Variants in MIPEP observed in about 807,000 individuals in gnomAD.
The protein encoded by MIPEP is mitochondrial intermediate peptidase.
In MIPEP, 79 loss-of-function variants were observed where a neutral mutation model predicts 90.3. The observed-to-expected ratio is 0.87, with a 90% CI of 0.73 to 1.05. MIPEP has a LOEUF of 1.05. Among genes scored for constraint, MIPEP ranks in the 50% least tolerant of loss-of-function variants. The pLI is 0.00. For missense variants in MIPEP, 940 were observed against 905.6 expected (o/e 1.04, Z -0.49); for synonymous variants, 334 against 315.8 (o/e 1.06, Z -0.61).
At chr13:23,889,097 CG>C in intron 1 of MIPEP, 34 bp downstream of exon 1, 1 of 1,383,058 alleles carries the variant, frequency 7.2e-7, no homozygotes, top group South Asian at 1.6e-5. Flanking sequence ...CGGCTTAGCT[CG>C]GGGACTGAGG....
Position 23,841,323 on chromosome 13 carries a change from G to A in MIPEP, c.1260+12C>T, listed in dbSNP as rs763646635. ...AATGCCTGCAACTGCAGGCTGAGCA[G>A]GAGGAGCTCACCAGTTTTCGGACAT... On this transcript the variant is annotated intron_variant, in intron 11 of 18. Transcript: ENST00000382172. 6 of 1,603,996 alleles carry A rather than the reference G, an allele frequency of 3.7e-6. No individual in the cohort carries two copies. In the African/African-American group the frequency reaches 8.1e-5, roughly 22 times the overall value.
At chr13:23,736,819 C>A (rs1030168228) in intron 18 of MIPEP, among the ~76,000 whole-genome samples, 5 of 152,152 alleles carry the variant, frequency 3.3e-5, no homozygotes, top group African/African-American at 1.2e-4. Flanking sequence ...CCTAAGAGCA[C>A]TGATCCATGG....
intron 10 of MIPEP, among the ~76,000 whole-genome samples, chr13:23,850,679 T>G (rs1002907283): frequency 6.6e-6 from 1 of 152,188 alleles, no homozygotes; most frequent in African/African-American, 2.4e-5. Context: ...AATGTGCCAC[T>G]AGATGACAGA....
chr13:23,748,405 A>T (rs939689847), intron 18 of MIPEP, among the ~76,000 whole-genome samples: 6 of 152,370 alleles, frequency 3.9e-5, no homozygotes, highest in Admixed American at 6.5e-5. Context: ...GGCAGAGACC[A>T]TAAACCAATA....
rs746137294 is a variant in MIPEP at position 23,836,263 on chromosome 13, C to T, written c.1630G>A (p.Ala544Thr). ...ANDYRVVNQF[A>T]RHYQTGQPLP... ...ACCTGTCCAGTCTGATAATGTCTGG[C>T]AAATTGGTTAACTACTCGATAATCA... The change falls in exon 14 of 19, where the codon GCC (alanine) becomes ACC (threonine). Residue 544 changes from alanine to threonine, a missense_variant. Ala to Thr is a moderately conservative substitution (Grantham distance 58). Coordinates refer to ENST00000382172, the MANE Select transcript of MIPEP (RefSeq NM_005932.4). The T allele has an allele frequency of 6.2e-7, 1 of 1,602,174 alleles. No individual in the cohort carries two copies. The highest frequency in any genetic ancestry group is 1.3e-5 in the African/African-American group (1 of 74,196).
In MIPEP at chr13:23,769,300, G is replaced by A. The variant is rs149944387; in HGVS notation, c.1849-9083C>T. On this transcript the variant is annotated intron_variant, in intron 16 of 18. Coordinates refer to ENST00000382172, the MANE Select transcript of MIPEP (RefSeq NM_005932.4). ...AGCTCTGGGAGTCAATGAAACCCCT[G>A]AGGCACACGACAAGAAGGGTTCTGT... Among the ~76,000 whole-genome samples, 310 of 152,268 alleles carry A rather than the reference G, an allele frequency of 2.0e-3. 2 individuals are homozygous for A. The highest frequency in any genetic ancestry group is 7.4e-3 in the African/African-American group (306 of 41,560).
chr13:23,826,678 A>G (rs1868464024), intron 14 of MIPEP, among the ~76,000 whole-genome samples: 2 of 152,238 alleles, frequency 1.3e-5, no homozygotes, highest in Non-Finnish European at 2.9e-5. Flanking sequence ...TAAAATTTAA[A>G]TGCTTATGTT....
intron 9 of MIPEP, among the ~76,000 whole-genome samples, chr13:23,859,581 A>C (rs1346517975): frequency 6.6e-6 from 1 of 152,160 alleles, no homozygotes; most frequent in African/African-American, 2.4e-5. Flanking sequence ...TCAAGTTTCC[A>C]ATCCATACCA....
intron 16 of MIPEP, among the ~76,000 whole-genome samples, chr13:23,783,329 A>C (rs1952801499): frequency 6.6e-6 from 1 of 152,236 alleles, no homozygotes; most frequent in South Asian, 2.1e-4. Flanking sequence ...TACAGCATAT[A>C]AACAGAACCA....
chr13:23,828,328 A>C (rs1232182658), intron 14 of MIPEP, among the ~76,000 whole-genome samples: 3 of 152,240 alleles, frequency 2.0e-5, no homozygotes, highest in Non-Finnish European at 4.4e-5. Flanking sequence ...GGCTCTCATA[A>C]GTGGAGTAGA....
chr13:23,771,177 G>A (rs1249693335), intron 16 of MIPEP, among the ~76,000 whole-genome samples: 1 of 152,110 alleles, frequency 6.6e-6, no homozygotes, highest in East Asian at 1.9e-4. Flanking sequence ...CACCCTGACC[G>A]TGGCCACACC....
At chr13:23,780,019 C>T (rs1055399767) in intron 16 of MIPEP, among the ~76,000 whole-genome samples, 29 of 152,200 alleles carry the variant, frequency 1.9e-4, no homozygotes, top group African/African-American at 7.0e-4. Context: ...GTAGACTCCA[C>T]CTCTGGGGGC....
intron 16 of MIPEP, among the ~76,000 whole-genome samples, chr13:23,780,533 A>G (rs953949174): frequency 2.0e-5 from 3 of 152,242 alleles, no homozygotes; most frequent in Admixed American, 1.3e-4. Flanking sequence ...TGAAAATTCT[A>G]AAAATCAGAG....
rs1397732075 is a variant in MIPEP, at chr13:23,804,977, T to C, written c.1848+973A>G. On this transcript the variant is annotated intron_variant, in intron 16 of 18. Transcript: ENST00000382172. ...TCAGTCTGGGGGGATTGCCAGAGAA[T>C]GAAAGGAACCCAGAAAAACACCGAG... Among the ~76,000 whole-genome samples the C allele has an allele frequency of 3.3e-5, 5 of 152,056 alleles. No individual in the cohort carries two copies. The East Asian group carries it at 9.6e-4, about 29-fold the overall frequency.
At chr13:23,778,057 G>A (rs904016190) in intron 16 of MIPEP, among the ~76,000 whole-genome samples, 13 of 152,116 alleles carry the variant, frequency 8.5e-5, no homozygotes, top group Non-Finnish European at 1.6e-4. Flanking sequence ...TTGTTTAGAC[G>A]TACTTTGGCT....
chr13:23,826,602 T>C (rs1868462183), intron 14 of MIPEP, among the ~76,000 whole-genome samples: 1 of 152,196 alleles, frequency 6.6e-6, no homozygotes, highest in Admixed American at 6.5e-5. Context: ...ACTTTAAAAA[T>C]ATTTTGTATT....
intron 16 of MIPEP, among the ~76,000 whole-genome samples, chr13:23,767,776 T>G (rs1316753053): frequency 6.6e-6 from 1 of 152,200 alleles, no homozygotes; most frequent in Non-Finnish European, 1.5e-5. Flanking sequence ...TTTAATTTTT[T>G]TTTGTAAATA....
At chr13:23,862,493 CTATT>C in intron 8 of MIPEP, 131 bp from the exon 9 acceptor site, 1 of 568,364 alleles carries the variant, frequency 1.8e-6, no homozygotes, top group Non-Finnish European at 3.1e-6. Context: ...ACATAAATCA[CTATT>C]AATCCAAATT....
chr13:23,754,827 T>C (rs1952474984), intron 18 of MIPEP, among the ~76,000 whole-genome samples: 1 of 152,204 alleles, frequency 6.6e-6, no homozygotes, highest in Non-Finnish European at 1.5e-5. Context: ...AAGTATACAA[T>C]GTACCCAATC....
Sources: gnomAD v4.1 joint callset for allele counts (sites outside exome capture counted in the v4.1 genomes callset) on GRCh38, gnomAD v4.1.1 for gene constraint, MANE v1.5 for transcripts, NCBI Gene and HGNC (gene_info 2026-07-23, HGNC 2026-07-21) for gene names.